The following FER1L6 variants were observed in gnomAD, a reference collection of about 807,000 sequenced individuals.
FER1L6 encodes the protein fer-1 like family member 6.
FER1L6 carries 177 observed loss-of-function variants against 219.2 expected under a neutral mutation model. The observed-to-expected ratio is 0.81, with a 90% CI of 0.71 to 0.91. FER1L6 has a LOEUF of 0.91. Among genes scored for constraint, FER1L6 ranks in the 40% least tolerant of loss-of-function variants. The probability of loss-of-function intolerance (pLI) is 0.00; values close to 1 mark genes in which losing one functional copy is unlikely to be tolerated. For synonymous variants in FER1L6, 768 were observed against 824.3 expected, an observed-to-expected ratio of 0.93 and a Z score of 1.17; for missense variants, 2,153 against 2,259.9, an observed-to-expected ratio of 0.95 and a Z score of 0.96.
At chr8:123,941,093 T>C (rs1814222355) in intron 1 of FER1L6, among the ~76,000 whole-genome samples, 1 of 152,216 alleles carries the variant, frequency 6.6e-6, no homozygotes, top group Non-Finnish European at 1.5e-5. Flanking sequence ...GTCTACTACA[T>C]GCTGGGTGCT....
intron 22 of FER1L6, among the ~76,000 whole-genome samples, chr8:124,053,383 T>C (rs976381007): frequency 1.2e-4 from 18 of 152,204 alleles, no homozygotes; most frequent in Admixed American, 2.0e-4. Flanking sequence ...CAGAGGTAAG[T>C]AGCCTGAGAT....
At chr8:123,926,979 C>T (rs575372631) in intron 1 of FER1L6, among the ~76,000 whole-genome samples, 7 of 152,104 alleles carry the variant, frequency 4.6e-5, no homozygotes, top group African/African-American at 1.4e-4. Context: ...GCTTGTAATA[C>T]ATATGATTTA....
intron 32 of FER1L6, among the ~76,000 whole-genome samples, chr8:124,077,566 C>T (rs1821345003): frequency 2.0e-5 from 3 of 152,160 alleles, no homozygotes; most frequent in African/African-American, 4.8e-5. Context: ...TTCCCTCATC[C>T]AGTGATGACC....
At chr8:124,031,879 A>T (rs1449176580) in intron 18 of FER1L6, among the ~76,000 whole-genome samples, 1 of 152,218 alleles carries the variant, frequency 6.6e-6, no homozygotes, top group Non-Finnish European at 1.5e-5. Flanking sequence ...AAGGTGCTCG[A>T]TAATGTTGAA....
rs780533637 is a variant in FER1L6, at chr8:124,091,487, GACA to G, written c.4461_4463del (p.Asn1487del). On this transcript the variant is annotated inframe_deletion, in exon 34 of 41. Transcript: ENST00000522917. ...CGAAATCCTCACTAAGCTCTGCAAA[GACA>G]ACAAGCTGGATGGACCCTACTTTCA... 8.1e-6 allele frequency: 13 copies of G among 1,613,940 alleles called. No homozygotes were observed. The highest frequency in any genetic ancestry group is 6.7e-5 in the Admixed American group (4 of 60,018).
intron 7 of FER1L6, among the ~76,000 whole-genome samples, chr8:123,974,040 C>T (rs1341502402): frequency 1.3e-5 from 2 of 152,148 alleles, no homozygotes; most frequent in African/African-American, 4.8e-5. Flanking sequence ...ATTTGCTGTA[C>T]TTATTATTAT....
chr8:123,955,676 C>T (rs1224766523), intron 1 of FER1L6, among the ~76,000 whole-genome samples: 1 of 152,162 alleles, frequency 6.6e-6, no homozygotes, highest in East Asian at 1.9e-4. Flanking sequence ...CTTTTTTATG[C>T]CTAGCAGAGT....
chr8:124,087,995 G>A (rs546136893), intron 33 of FER1L6, among the ~76,000 whole-genome samples: 15 of 152,276 alleles, frequency 9.9e-5, no homozygotes, highest in Non-Finnish European at 2.1e-4. Context: ...ACACAGCCAT[G>A]TGGCCACAAA....
At position 124,001,300 on chromosome 8, in the gene FER1L6, C is replaced by A. The variant is rs113788575; in HGVS notation, c.1520-1867C>A. On this transcript the variant is annotated intron_variant, in intron 12 of 40. Transcript: ENST00000522917. ...TCATGAAGATACCCAATCCTTTCTT[C>A]TGTTTCAGTTTCATCTCTGTCCATC... Among the ~76,000 whole-genome samples, 9 of 152,310 alleles carry A rather than the reference C, an allele frequency of 5.9e-5. 1 individual carries two copies. The highest frequency in any genetic ancestry group is 2.2e-4 in the African/African-American group (9 of 41,568).
rs1586419305 is a variant in FER1L6 at position 123,853,202 on chromosome 8, T to C, written c.-8+1017T>C. ...GACAGTCTCACTCTATAGCCCAGGC[T>C]GGAGTGCAGTGGTACAATCTTGGCT... On this transcript the variant is annotated intron_variant, in intron 1 of 40. Coordinates refer to ENST00000522917, the MANE Select transcript of FER1L6 (RefSeq NM_001039112.2). The surrounding 1 kb of genome is among the most constrained non-coding windows in gnomAD (Gnocchi z 6.6). Among the ~76,000 whole-genome samples, 1 of 152,120 alleles carries C rather than the reference T, an allele frequency of 6.6e-6. No homozygotes were observed. Among genetic ancestry groups the C allele is most frequent in the African/African-American group, 2.4e-5 (1 of 41,416 alleles).
rs180748645 is a variant in FER1L6 at position 124,098,061 on chromosome 8, T to C, written c.4883+178T>C. Among the ~76,000 whole-genome samples, 102 of 152,356 alleles carry C rather than the reference T, an allele frequency of 6.7e-4. 1 individual carries two copies. Among genetic ancestry groups the C allele is most frequent in the Non-Finnish European group, 1.4e-3 (92 of 68,026 alleles). The stretch of plus-strand genomic sequence containing the variant: ...TCTTATTTGGTCATTTTGCTAAAAA[T>C]TATTAGCTTATAAAAATATTTTTAT... On this transcript the variant is annotated intron_variant, in intron 37 of 40. Coordinates refer to ENST00000522917, the MANE Select transcript of FER1L6 (RefSeq NM_001039112.2).
At chr8:123,996,299 G>T (rs1417246464) in intron 12 of FER1L6, among the ~76,000 whole-genome samples, 1 of 152,052 alleles carries the variant, frequency 6.6e-6, no homozygotes, top group African/African-American at 2.4e-5. Context: ...TTTCTCTTTA[G>T]CTCTAATAAT....
In FER1L6 at chr8:124,081,605, C is replaced by CAAAAAAAAAAAAAAAAAA. The variant is rs1243602409; in HGVS notation, c.4221-680_4221-663dup. ...GTGCAGGCTCCAGCAATGCAGAGAC[C>CAAAAAAAAAAAAAAAAAA]AAAAAAAAAAAAAAAAAAAAGGGCA... On this transcript the variant is annotated intron_variant, in intron 32 of 40. Coordinates refer to ENST00000522917, the MANE Select transcript of FER1L6 (RefSeq NM_001039112.2). 1.5e-4 allele frequency among the ~76,000 whole-genome samples: 8 copies of CAAAAAAAAAAAAAAAAAA among 53,000 alleles called. 4 individuals carry two copies. The highest frequency in any genetic ancestry group is 1.7e-4 in the Non-Finnish European group (4 of 24,202). The allele number at this position is 53,000 out of a possible 152,430, so 34.8% of individuals were successfully genotyped here.
intron 18 of FER1L6, among the ~76,000 whole-genome samples, chr8:124,034,334 G>T (rs552601275): frequency 1.3e-5 from 2 of 152,128 alleles, no homozygotes; most frequent in African/African-American, 4.8e-5. Flanking sequence ...CCTTAGAGGG[G>T]TAAGGGAGTA....
chr8:123,959,508 G>A (rs1375273858), intron 2 of FER1L6, among the ~76,000 whole-genome samples: 2 of 152,210 alleles, frequency 1.3e-5, no homozygotes, highest in Admixed American at 1.3e-4. Flanking sequence ...GAGTGAATGG[G>A]TAATAAAAGC....
intron 22 of FER1L6, chr8:124,059,010 G>A (rs796591674): frequency 3.3e-5 from 5 of 152,338 alleles, no homozygotes; most frequent in African/African-American, 1.2e-4. Flanking sequence ...GCATTTTGCA[G>A]ATTTTGATGC....
chr8:124,101,371 T>C (rs759882090), intron 38 of FER1L6, 33 bp downstream of exon 38: 7 of 1,592,646 alleles, frequency 4.4e-6, no homozygotes, highest in Middle Eastern at 1.8e-4. Flanking sequence ...CACATATTAA[T>C]GTTAAGGGTT....
intron 18 of FER1L6, among the ~76,000 whole-genome samples, chr8:124,028,766 C>T (rs867294696): frequency 3.3e-5 from 5 of 152,242 alleles, no homozygotes; most frequent in South Asian, 2.1e-4. Flanking sequence ...ACAGCTTTAA[C>T]TTTTTTATAT....
At chr8:124,042,643 G>C (rs1413853751) in intron 20 of FER1L6, among the ~76,000 whole-genome samples, 3 of 152,160 alleles carry the variant, frequency 2.0e-5, no homozygotes, top group African/African-American at 7.2e-5. Context: ...CTTGTCTGCA[G>C]GTGACATGCC....
Sources: gnomAD v4.1 joint callset for allele counts (sites outside exome capture counted in the v4.1 genomes callset) on GRCh38, gnomAD v4.1.1 for gene constraint, Gnocchi (gnomAD v3.1) non-coding constraint, MANE v1.5 for transcripts, NCBI Gene and HGNC (gene_info 2026-07-23, HGNC 2026-07-21) for gene names.